UNC13C: variants seen among roughly 807,000 people sequenced by gnomAD.
UNC13C encodes the protein unc-13 homolog C.
Under a neutral mutation model 245.4 loss-of-function variants are expected in UNC13C, and 174 were observed. The ratio of observed to expected loss-of-function variants is 0.71; its 90% CI spans 0.63 to 0.80. The LOEUF (loss-of-function observed/expected upper bound fraction) is 0.80. Ranked by LOEUF, UNC13C falls within the 30% of genes least tolerant of loss-of-function variation. The probability of loss-of-function intolerance (pLI) is 0.00; values close to 1 mark genes in which losing one functional copy is unlikely to be tolerated. For synonymous variants in UNC13C, 992 were observed against 895.1 expected (o/e 1.11, Z -1.93); for missense variants, 2,829 against 2,602.9 (o/e 1.09, Z -1.89).
At chr15:54,594,871 A>T (rs1190826926) in intron 30 of UNC13C, among the ~76,000 whole-genome samples, 1 of 152,210 alleles carries the variant, frequency 6.6e-6, no homozygotes, top group Admixed American at 6.5e-5. Context: ...TTAGAGACAG[A>T]ATAAGTATCC....
chr15:54,543,932 T>C (rs1896363756), intron 26 of UNC13C, among the ~76,000 whole-genome samples: 1 of 152,156 alleles, frequency 6.6e-6, no homozygotes, highest in African/African-American at 2.4e-5. Flanking sequence ...GGACTCATCC[T>C]TAACTGATTT....
rs193078346 is a variant in UNC13C at position 54,299,809 on chromosome 15, T to C, written c.4105-401T>C. ...TCTGAGAATGGAACTTGGCGATGTA[T>C]GGTTTAATAAGCCTTCCAGGTGATT... is the stretch of plus-strand genomic sequence containing the variant. On this transcript the variant is annotated intron_variant, in intron 12 of 32. Coordinates refer to ENST00000260323, the MANE Select transcript of UNC13C (RefSeq NM_001080534.3). Among the ~76,000 whole-genome samples the C allele has an allele frequency of 9.2e-5, 14 of 152,256 alleles. 1 individual carries two copies. Among genetic ancestry groups the C allele is most frequent in the Non-Finnish European group, 4.4e-5 (3 of 68,012 alleles).
intron 17 of UNC13C, among the ~76,000 whole-genome samples, chr15:54,361,051 C>A (rs1395989847): frequency 6.6e-6 from 1 of 152,098 alleles, no homozygotes; most frequent in African/African-American, 2.4e-5. Context: ...AATATGCTTT[C>A]TGGGTCTTTT....
At chr15:54,577,299 GCA>G (rs892169885) in intron 30 of UNC13C, among the ~76,000 whole-genome samples, 19 of 152,296 alleles carry the variant, frequency 1.2e-4, no homozygotes, top group African/African-American at 4.1e-4. Context: ...ATGCCACTGT[GCA>G]CAGTTTAGGT....
At position 54,512,944 on chromosome 15, in the gene UNC13C, G is replaced by A. The variant is rs149523037; in HGVS notation, c.5457+1114G>A. The stretch of plus-strand genomic sequence containing the variant: ...AACTTGCTATTTAGCATTCTGCAAT[G>A]GTGAAGCACTAGAATATATGTGTGA... On this transcript the variant is annotated intron_variant, in intron 24 of 32. Transcript: ENST00000260323. Among the ~76,000 whole-genome samples the A allele has an allele frequency of 1.5e-3, 224 of 152,164 alleles. 2 individuals are homozygous for A. In the East Asian group the frequency reaches 0.035, roughly 24 times the overall value.
Position 54,500,173 on chromosome 15 carries a change from G to A in UNC13C, c.5155G>A (p.Gly1719Arg), listed in dbSNP as rs373289799. 3.7e-6 allele frequency: 6 copies of A among 1,606,132 alleles called. No homozygotes were observed. In the African/African-American group the frequency reaches 6.7e-5, roughly 18 times the overall value. The stretch of plus-strand genomic sequence containing the variant: ...AGCACTGGGAAGAGACAAAAAAGAT[G>A]GAGTGAGTTTAAATTACCTTAAGAA... ...HGALGRDKKD[G>R]FQQTSEHALF... is the part of the protein sequence containing the mutation. The change falls in exon 21 of 33, where the codon GGA (glycine) becomes AGA (arginine). Residue 1719 changes from glycine (G) to arginine (R), a missense_variant and splice_region_variant. Gly to Arg is a moderately radical substitution (Grantham distance 125). Coordinates refer to ENST00000260323, the MANE Select transcript of UNC13C (RefSeq NM_001080534.3).
chr15:54,053,033 G>A (rs1897338170), intron 2 of UNC13C, among the ~76,000 whole-genome samples: 1 of 152,148 alleles, frequency 6.6e-6, no homozygotes, highest in African/African-American at 2.4e-5. Context: ...TGACTCTGTT[G>A]CCCAGGCTGG....
chr15:53,879,803 T>G, the UNC13C span, among the ~76,000 whole-genome samples: 1 of 152,170 alleles, frequency 6.6e-6, no homozygotes, highest in Admixed American at 6.6e-5. Context: ...GTCAGGCTGG[T>G]CTTGAACTCC....
chr15:54,557,248 G>A (rs983683103), intron 29 of UNC13C, among the ~76,000 whole-genome samples: 18 of 151,996 alleles, frequency 1.2e-4, no homozygotes, highest in Admixed American at 9.9e-4. Context: ...GCGTGTGTCA[G>A]TTCTCCAGTT....
chr15:54,385,538 A>G (rs2140906159), intron 17 of UNC13C, among the ~76,000 whole-genome samples: 1 of 149,920 alleles, frequency 6.7e-6, no homozygotes, highest in East Asian at 2.0e-4. Flanking sequence ...AGACACTGGG[A>G]AAGGTGGGTT....
chr15:54,073,521 C>G (rs377428908), intron 2 of UNC13C, among the ~76,000 whole-genome samples: 4 of 152,314 alleles, frequency 2.6e-5, no homozygotes, highest in East Asian at 1.9e-4. Context: ...GTTACCATTT[C>G]TCCACATCCT....
At chr15:54,403,570 G>A (rs2040231472) in intron 18 of UNC13C, among the ~76,000 whole-genome samples, 1 of 151,694 alleles carries the variant, frequency 6.6e-6, no homozygotes, top group South Asian at 2.1e-4. Flanking sequence ...ACAAAAATTA[G>A]CCAGGCATTT....
chr15:54,454,255 C>A (rs1891346425), intron 19 of UNC13C, among the ~76,000 whole-genome samples: 2 of 152,054 alleles, frequency 1.3e-5, no homozygotes, highest in South Asian at 4.1e-4. Context: ...TCATCTTCAT[C>A]CCCAAGAGAA....
intron 1 of UNC13C, among the ~76,000 whole-genome samples, chr15:54,009,034 T>G (rs1895263844): frequency 6.6e-6 from 1 of 152,168 alleles, no homozygotes; most frequent in African/African-American, 2.4e-5. Flanking sequence ...GTCACTTGTC[T>G]GAAGGAAGTT....
intron 2 of UNC13C, among the ~76,000 whole-genome samples, chr15:54,029,824 G>T (rs555656414): frequency 6.6e-6 from 1 of 152,098 alleles, no homozygotes; most frequent in Non-Finnish European, 1.5e-5. Flanking sequence ...CTGCAGCTCC[G>T]GTGGACCAGA....
Position 54,252,783 on chromosome 15 carries a change from G to A in UNC13C, c.3448+2339G>A, listed in dbSNP as rs191554606. On this transcript the variant is annotated intron_variant, in intron 8 of 32. Coordinates refer to ENST00000260323, the MANE Select transcript of UNC13C (RefSeq NM_001080534.3). ...ATAGCTAATTCAGCCCCCTTTAAAT[G>A]TAAGACAGTTCTATGATTTTCTTTA... Among the ~76,000 whole-genome samples, 330 of 152,230 alleles carry A rather than the reference G, an allele frequency of 2.2e-3. 1 individual carries two copies. Among genetic ancestry groups the A allele is most frequent in the African/African-American group, 7.6e-3 (316 of 41,542 alleles).
At chr15:54,165,177 ATACTT>A (rs2033121234) in intron 4 of UNC13C, among the ~76,000 whole-genome samples, 1 of 152,126 alleles carries the variant, frequency 6.6e-6, no homozygotes, top group Non-Finnish European at 1.5e-5. Context: ...TCTCCCAGAA[ATACTT>A]TAAAGAAATA....
intron 19 of UNC13C, among the ~76,000 whole-genome samples, chr15:54,475,049 A>C (rs1892653323): frequency 6.6e-6 from 1 of 151,972 alleles, no homozygotes; most frequent in Non-Finnish European, 1.5e-5. Flanking sequence ...TACCTACAAC[A>C]TTAGGGATCA....
rs1893735431 is a variant in UNC13C, at chr15:54,491,990, T to A, written c.4934-2618T>A. Among the ~76,000 whole-genome samples, 5 of 137,982 alleles carry A rather than the reference T, an allele frequency of 3.6e-5. No individual in the cohort carries two copies. In the Admixed American group the frequency reaches 3.7e-4, roughly 10 times the overall value. 90.5% of individuals were successfully genotyped at this position (137,982 alleles called of 152,430 possible). A position where few individuals can be genotyped will look rare whatever the true frequency, so the allele number is the denominator to read the frequency against. Reference sequence around the variant, plus strand: ...CTGGGCGACAAAGCGAGACTCCATCTCAAAAAAAAAAAAACAATTTAGGCA... The same window carrying A: ...CTGGGCGACAAAGCGAGACTCCATCACAAAAAAAAAAAAACAATTTAGGCA... On this transcript the variant is annotated intron_variant, in intron 19 of 32. Coordinates refer to ENST00000260323, the MANE Select transcript of UNC13C (RefSeq NM_001080534.3).
Sources: gnomAD v4.1 joint callset for allele counts (sites outside exome capture counted in the v4.1 genomes callset) on GRCh38, gnomAD v4.1.1 for gene constraint, MANE v1.5 for transcripts, NCBI Gene and HGNC (gene_info 2026-07-23, HGNC 2026-07-21) for gene names.